The following GNAZ variants were observed in gnomAD, a reference collection of about 807,000 sequenced individuals.
The protein encoded by GNAZ is G protein subunit alpha z, also known as guanine nucleotide-binding protein G(z) subunit alpha.
Under a neutral mutation model 25.4 loss-of-function variants are expected in GNAZ, and 3 were observed. That is an observed-to-expected ratio of 0.12 (90% CI 0.05 to 0.30). The LOEUF (loss-of-function observed/expected upper bound fraction) is 0.30, where lower values mean the gene tolerates loss of function less well. Among genes scored for constraint, GNAZ ranks in the 10% least tolerant of loss-of-function variants. The probability of loss-of-function intolerance (pLI) is 1.00; values close to 1 mark genes in which losing one functional copy is unlikely to be tolerated. For synonymous variants in GNAZ, 211 were observed against 205.7 expected, an observed-to-expected ratio of 1.03 and a Z score of -0.22; for missense variants, 241 against 501.8, an observed-to-expected ratio of 0.48 and a Z score of 4.97.
chr22:23,082,976 C>T (rs1313982235), intron 1 of GNAZ, among the ~76,000 whole-genome samples: 2 of 151,882 alleles, frequency 1.3e-5, no homozygotes, highest in Non-Finnish European at 2.9e-5. Flanking sequence ...TAAGGTGGGG[C>T]GTGAGCTGGC....
chr22:23,075,663 C>G (rs1199576784), intron 1 of GNAZ, among the ~76,000 whole-genome samples: 5 of 152,256 alleles, frequency 3.3e-5, no homozygotes, highest in Non-Finnish European at 7.3e-5. Flanking sequence ...AGGGGCCTTA[C>G]ACATAGTGTC....
chr22:23,079,524 C>G (rs533180101), intron 1 of GNAZ, among the ~76,000 whole-genome samples: 13 of 152,290 alleles, frequency 8.5e-5, no homozygotes, highest in African/African-American at 2.9e-4. Flanking sequence ...GGTGCCCTGG[C>G]TGGACTTTGA....
chr22:23,091,431 G>T (rs920058535), intron 1 of GNAZ, among the ~76,000 whole-genome samples: 5 of 146,238 alleles, frequency 3.4e-5, no homozygotes, highest in African/African-American at 2.6e-5. Flanking sequence ...CACCACAATG[G>T]ATTTGCACAC....
At chr22:23,075,649 A>T (rs186059254) in intron 1 of GNAZ, among the ~76,000 whole-genome samples, 8 of 152,374 alleles carry the variant, frequency 5.3e-5, no homozygotes, top group Middle Eastern at 3.4e-3. Flanking sequence ...GCCACAGTGC[A>T]GGGAGGGGCC....
At position 23,124,724 on chromosome 22, in the gene GNAZ, T is replaced by G; in HGVS notation, c.*1293T>G. The G allele has an allele frequency of 5.6e-6, 1 of 179,920 alleles. No individual in the cohort carries two copies. The allele number at this position is 179,920 out of a possible 1,614,324, so 11.1% of individuals were successfully genotyped here. A position where few individuals can be genotyped will look rare whatever the true frequency, so the allele number is the denominator to read the frequency against. ...ACTCCTGTGAAGGCACAGCCAGCGT[T>G]GTGGCCTGAGGGAGGCCCTGCTGGG... On this transcript the variant is annotated 3_prime_UTR_variant, in exon 3 of 3. Coordinates refer to ENST00000615612, the MANE Select transcript of GNAZ (RefSeq NM_002073.4).
At chr22:23,078,727 T>G (rs13055536) in intron 1 of GNAZ, among the ~76,000 whole-genome samples, 126,599 of 152,224 alleles carry the variant, frequency 0.83, 52,928 homozygotes, top group East Asian at 0.96. Context: ...AGGCCAAGGG[T>G]GAGGGCCAGG....
chr22:23,123,175 A>AGAAG lies in GNAZ; in HGVS notation c.815_818dup (p.Asp273GlufsTer38). On this transcript the variant is annotated frameshift_variant, in exon 3 of 3. Coordinates refer to ENST00000615612, the MANE Select transcript of GNAZ (RefSeq NM_002073.4). LOFTEE classifies it high-confidence loss of function. ...ACCTCACTCATCCTCTTCCTGAACA[A>AGAAG]GAAGGACCTGCTGGCAGAGAAGATC... 6.2e-7 allele frequency: 1 copy of AGAAG among 1,614,030 alleles called. No individual in the cohort carries two copies. Among genetic ancestry groups the AGAAG allele is most frequent in the Non-Finnish European group, 8.5e-7 (1 of 1,179,874 alleles).
intron 2 of GNAZ, among the ~76,000 whole-genome samples, chr22:23,099,839 C>T (rs964679117): frequency 1.3e-5 from 2 of 152,262 alleles, no homozygotes; most frequent in Non-Finnish European, 2.9e-5. Context: ...CTGTGACCAG[C>T]AGAGCCTGGG....
chr22:23,087,870 G>A (rs1055464649), intron 1 of GNAZ, among the ~76,000 whole-genome samples: 6 of 152,232 alleles, frequency 3.9e-5, no homozygotes, highest in African/African-American at 1.4e-4. Context: ...CTCAAGAGCA[G>A]TTTAGGGAGG....
intron 2 of GNAZ, among the ~76,000 whole-genome samples, chr22:23,114,975 G>A (rs1692936942): frequency 6.6e-6 from 1 of 152,218 alleles, no homozygotes; most frequent in Admixed American, 6.5e-5. Flanking sequence ...GGGGTTCCAG[G>A]TCATCTGTGT....
intron 2 of GNAZ, among the ~76,000 whole-genome samples, chr22:23,120,194 G>A (rs2069975052): frequency 6.6e-6 from 1 of 152,190 alleles, no homozygotes; most frequent in Non-Finnish European, 1.5e-5. Flanking sequence ...GAGGTGTCCA[G>A]GGTCCCCAAG....
In GNAZ at chr22:23,124,095, G is replaced by T; in HGVS notation, c.*664G>T. The T allele has an allele frequency of 4.7e-6, 1 of 214,220 alleles. No homozygotes were observed. Among genetic ancestry groups the T allele is most frequent in the South Asian group, 5.3e-5 (1 of 18,840 alleles). The allele number at this position is 214,220 out of a possible 1,614,324, so 13.3% of individuals were successfully genotyped here. ...AAAAACCAATACAACAAAACGAGTG[G>T]CACGATTTATTTCAAACTAGGCCAG... On this transcript the variant is annotated 3_prime_UTR_variant, in exon 3 of 3. Coordinates refer to ENST00000615612, the MANE Select transcript of GNAZ (RefSeq NM_002073.4).
chr22:23,073,035 C>T (rs959093823), intron 1 of GNAZ, among the ~76,000 whole-genome samples: 6 of 152,252 alleles, frequency 3.9e-5, no homozygotes, highest in African/African-American at 1.2e-4. Flanking sequence ...ATTTAGTCAT[C>T]TTGTGTGTGA....
rs1489878606 is a variant in GNAZ at position 23,078,440 on chromosome 22, A to G, written c.-450+7870A>G. 2.6e-5 allele frequency among the ~76,000 whole-genome samples: 4 copies of G among 151,970 alleles called. No individual in the cohort carries two copies. In the East Asian group the frequency reaches 7.7e-4, roughly 29 times the overall value. ...CTGGTGGGGCTGCCCTTGTCCCCCCAACACTGCCCACCTCCTCCAAGGAGT... is the reference window on the plus strand; with the variant it reads ...CTGGTGGGGCTGCCCTTGTCCCCCCGACACTGCCCACCTCCTCCAAGGAGT... On this transcript the variant is annotated intron_variant, in intron 1 of 2. Coordinates refer to ENST00000615612, the MANE Select transcript of GNAZ (RefSeq NM_002073.4).
chr22:23,101,039 C>T (rs2069287241), intron 2 of GNAZ, among the ~76,000 whole-genome samples: 1 of 152,204 alleles, frequency 6.6e-6, no homozygotes. Context: ...TCCAGTAAGA[C>T]AGGCTTATAC....
intron 2 of GNAZ, among the ~76,000 whole-genome samples, chr22:23,110,086 A>T (rs1264424651): frequency 6.6e-6 from 1 of 152,202 alleles, no homozygotes; most frequent in Non-Finnish European, 1.5e-5. Context: ...CTCTGTCCCC[A>T]GACACCTCCC....
intron 2 of GNAZ, 63 bp from the exon 3 acceptor site, chr22:23,123,024 A>G: frequency 9.3e-7 from 1 of 1,071,920 alleles, no homozygotes; most frequent in East Asian, 2.4e-5. Context: ...GCAGGGCTGC[A>G]GGTCTAGGGT....
At chr22:23,077,653 A>G (rs2068543658) in intron 1 of GNAZ, among the ~76,000 whole-genome samples, 1 of 152,272 alleles carries the variant, frequency 6.6e-6, no homozygotes, top group Admixed American at 6.5e-5. Context: ...CATGTAAAGT[A>G]CCAGGCTCTG....
In GNAZ at chr22:23,123,350, C is replaced by T. The variant is rs375458913; in HGVS notation, c.987C>T (p.Asp329=). ...ACTCCCACTTCACCTGCGCCACCGA[C>T]ACCAGTAACATCCAGTTTGTCTTCG... The part of the protein sequence containing the change: ...EIYSHFTCAT[D]TSNIQFVFDA... Residue 329 remains aspartate, a synonymous_variant, in exon 3 of 3, where the codon GAC becomes GAT. Transcript: ENST00000615612. 1.2e-4 allele frequency: 194 copies of T among 1,613,932 alleles called. No individual in the cohort carries two copies. Among genetic ancestry groups the T allele is most frequent in the Middle Eastern group, 4.9e-4 (3 of 6,084 alleles).
Sources: allele counts gnomAD v4.1 joint callset (sites outside exome capture counted in the v4.1 genomes callset), GRCh38; gene constraint gnomAD v4.1.1; transcripts MANE v1.5; gene names NCBI Gene and HGNC (gene_info 2026-07-23, HGNC 2026-07-21).